Variants in TRAK1 observed in about 807,000 individuals in gnomAD.
TRAK1 encodes trafficking kinesin protein 1, also known as trafficking kinesin-binding protein 1.
TRAK1 carries 33 observed loss-of-function variants against 92.1 expected under a neutral mutation model. The observed-to-expected ratio is 0.36, with a 90% CI of 0.27 to 0.48. The LOEUF is 0.48. Ranked by LOEUF, TRAK1 falls within the 20% of genes least tolerant of loss-of-function variation. TRAK1 has a pLI of 0.99. For missense variants in TRAK1, 1,123 were observed against 1,257.9 expected (o/e 0.89, Z 1.62); for synonymous variants, 521 against 517.3 (o/e 1.01, Z -0.10).
intron 1 of TRAK1, among the ~76,000 whole-genome samples, chr3:42,036,107 G>C (rs1024877787): frequency 6.6e-6 from 1 of 152,232 alleles, no homozygotes; most frequent in African/African-American, 2.4e-5. Flanking sequence ...AAGGGCATCT[G>C]TGAGAGGCTT....
At chr3:42,150,377 G>C (rs1477821711) in intron 2 of TRAK1, among the ~76,000 whole-genome samples, 2 of 152,100 alleles carry the variant, frequency 1.3e-5, no homozygotes, top group African/African-American at 2.4e-5. Flanking sequence ...CAGGTTCCTG[G>C]GGTGTTGGAC....
At chr3:42,017,181 A>T (rs1406381882) in intron 1 of TRAK1, among the ~76,000 whole-genome samples, 1 of 152,168 alleles carries the variant, frequency 6.6e-6, no homozygotes, top group African/African-American at 2.4e-5. Flanking sequence ...GAATTGCTTG[A>T]ACCCAGGAGG....
chr3:42,068,961 T>C (rs181211136), intron 1 of TRAK1, among the ~76,000 whole-genome samples: 21 of 152,330 alleles, frequency 1.4e-4, no homozygotes, highest in African/African-American at 4.6e-4. Context: ...CTACAGGATT[T>C]GAACTTATAG....
intron 2 of TRAK1, among the ~76,000 whole-genome samples, chr3:42,134,738 C>T (rs1351217900): frequency 6.6e-6 from 1 of 151,818 alleles, no homozygotes; most frequent in African/African-American, 2.4e-5. Flanking sequence ...AGGCGCACGC[C>T]CGGCTAATTT....
intron 1 of TRAK1, among the ~76,000 whole-genome samples, chr3:42,112,165 G>A (rs1484464631): frequency 9.0e-6 from 1 of 110,654 alleles, no homozygotes; most frequent in East Asian, 2.6e-4. Flanking sequence ...TTTTTGAGAC[G>A]TAGTCTTACT....
rs372427225 is a variant in TRAK1, at chr3:42,202,782, G to C, written c.1744+30G>C. 2 of 1,611,246 alleles carry C rather than the reference G, an allele frequency of 1.2e-6. No individual in the cohort carries two copies. The highest frequency in any genetic ancestry group is 2.2e-5 in the South Asian group (2 of 90,944). On this transcript the variant is annotated intron_variant, in intron 13 of 15. Transcript: ENST00000327628. The surrounding 1 kb of genome is among the most constrained non-coding windows in gnomAD (Gnocchi z 6.1). Reference sequence around the variant, plus strand: ...TCACGCGGGGCCTCGGCCCCTCTCTGTCCTCCTGGGGGACTCCCTTTGGTC... The same window carrying C: ...TCACGCGGGGCCTCGGCCCCTCTCTCTCCTCCTGGGGGACTCCCTTTGGTC...
intron 8 of TRAK1, 67 bp downstream of exon 8, chr3:42,193,272 C>T: frequency 6.3e-7 from 1 of 1,585,272 alleles, no homozygotes; most frequent in African/African-American, 1.4e-5. Context: ...GGGACATTTA[C>T]TCCAGAAGAC....
Position 42,210,708 on chromosome 3 carries a change from T to C in TRAK1, c.1963+723T>C, listed in dbSNP as rs148610878. ...TATATATGTCATTTTCTTTTCAGCT[T>C]ACACATGTGTTCAAAGTGGATTTTT... On this transcript the variant is annotated intron_variant, in intron 14 of 15. Coordinates refer to ENST00000327628, the MANE Select transcript of TRAK1 (RefSeq NM_001042646.3). 7.7e-5 allele frequency: 76 copies of C among 987,510 alleles called. No homozygotes were observed. The African/African-American group carries it at 1.2e-3, about 16-fold the overall frequency. 61.2% of individuals were successfully genotyped at this position (987,510 alleles called of 1,614,324 possible).
intron 1 of TRAK1, among the ~76,000 whole-genome samples, chr3:42,074,844 C>T (rs1322085044): frequency 6.6e-6 from 1 of 152,146 alleles, no homozygotes; most frequent in African/African-American, 2.4e-5. Flanking sequence ...CCTCACCCTC[C>T]TCCTACGCTC....
At chr3:42,195,095 A>G (rs190301775) in intron 10 of TRAK1, among the ~76,000 whole-genome samples, 154 bp downstream of exon 10, 7 of 152,236 alleles carry the variant, frequency 4.6e-5, no homozygotes, top group Non-Finnish European at 1.0e-4. Context: ...CTTGAATCTG[A>G]CTGGTGGTTT....
intron 12 of TRAK1, among the ~76,000 whole-genome samples, chr3:42,201,860 AC>A (rs199548139): frequency 0.11 from 15,556 of 139,478 alleles, 1,044 homozygotes; most frequent in Non-Finnish European, 0.14. Flanking sequence ...ACCTGGACGG[AC>A]GGACGGACGG....
intron 1 of TRAK1, among the ~76,000 whole-genome samples, chr3:42,065,532 C>T (rs181284566): frequency 3.9e-5 from 6 of 151,956 alleles, no homozygotes; most frequent in East Asian, 1.9e-4. Flanking sequence ...GATTATGTTG[C>T]GTAAAGGCTA....
intron 1 of TRAK1, among the ~76,000 whole-genome samples, chr3:42,098,057 C>G (rs1429727065): frequency 6.6e-6 from 1 of 151,836 alleles, no homozygotes; most frequent in Non-Finnish European, 1.5e-5. Context: ...TCCTCCATCT[C>G]TCCTTACCCA....
intron 2 of TRAK1, among the ~76,000 whole-genome samples, chr3:42,140,378 C>A (rs1014056225): frequency 5.9e-5 from 9 of 152,102 alleles, no homozygotes; most frequent in Non-Finnish European, 8.8e-5. Flanking sequence ...GCCTGTAATC[C>A]CAGCATTTTG....
chr3:42,095,827 A>G lies in TRAK1; in HGVS notation c.91+4267A>G, dbSNP rs573318772. On this transcript the variant is annotated intron_variant, in intron 1 of 15. Transcript: ENST00000327628. ...ATGTTGAAACCTAATCAGCAGTGCA[A>G]TGGTATCAGGTGGTGGAGCCTCTGG... Among the ~76,000 whole-genome samples the G allele has an allele frequency of 6.2e-4, 95 of 152,292 alleles. 1 individual carries two copies. The highest frequency in any genetic ancestry group is 2.2e-3 in the African/African-American group (91 of 41,568).
chr3:42,059,977 G>A (rs1360906807), intron 1 of TRAK1, among the ~76,000 whole-genome samples: 1 of 152,212 alleles, frequency 6.6e-6, no homozygotes, highest in Non-Finnish European at 1.5e-5. Flanking sequence ...AATTCTGAAA[G>A]TGCTTGTTTG....
At chr3:42,192,979 G>A in intron 7 of TRAK1, 96 bp from the exon 8 acceptor site, 4 of 1,527,638 alleles carry the variant, frequency 2.6e-6, no homozygotes, top group South Asian at 2.6e-5. Flanking sequence ...TAGTAAGGAT[G>A]GTTTTTCTTG....
At chr3:42,218,583 A>G (rs1244202987) in intron 14 of TRAK1, 2 of 984,840 alleles carry the variant, frequency 2.0e-6, no homozygotes, top group Non-Finnish European at 2.4e-6. Flanking sequence ...TGCAATCATG[A>G]TGTCTCCCAT....
intron 1 of TRAK1, among the ~76,000 whole-genome samples, chr3:42,055,441 A>G (rs1474924087): frequency 6.6e-6 from 1 of 152,198 alleles, no homozygotes; most frequent in Non-Finnish European, 1.5e-5. Context: ...CAGTGTTTAC[A>G]GAGTTGTGCA....
Sources: allele counts gnomAD v4.1 joint callset (sites outside exome capture counted in the v4.1 genomes callset), GRCh38; gene constraint gnomAD v4.1.1; non-coding constraint Gnocchi (gnomAD v3.1); transcripts MANE v1.5; gene names NCBI Gene and HGNC (gene_info 2026-07-23, HGNC 2026-07-21).